Variants in ADAMTSL1 observed in about 807,000 individuals in gnomAD.
ADAMTSL1 encodes ADAMTS like 1.
In ADAMTSL1, 126 loss-of-function variants were observed where a neutral mutation model predicts 201.8. That is an observed-to-expected ratio of 0.62 (90% CI 0.54 to 0.72). ADAMTSL1 has a LOEUF of 0.72. Among genes scored for constraint, ADAMTSL1 ranks in the 30% least tolerant of loss-of-function variants. The pLI is 0.00. For missense variants in ADAMTSL1, 2,679 were observed against 2,277.8 expected (o/e 1.18, Z -3.59); for synonymous variants, 1,121 against 903.4 (o/e 1.24, Z -4.32).
At chr9:18,402,141 G>A (rs7031691) in intron 2 of ADAMTSL1, among the ~76,000 whole-genome samples, 8,819 of 152,048 alleles carry the variant, frequency 0.058, 840 homozygotes, top group African/African-American at 0.2. Flanking sequence ...CATCCAGAAG[G>A]CTCATTTGTC....
intron 26 of ADAMTSL1, chr9:18,905,517 G>A (rs1373686837): frequency 4.3e-6 from 2 of 469,836 alleles, no homozygotes; most frequent in African/African-American, 3.9e-5. Flanking sequence ...TAATCTGAGA[G>A]GAGCTTGACG....
chr9:18,838,039 C>G (rs934022685), intron 23 of ADAMTSL1, among the ~76,000 whole-genome samples: 1 of 151,950 alleles, frequency 6.6e-6, no homozygotes, highest in Non-Finnish European at 1.5e-5. Flanking sequence ...TGTTTTCTTC[C>G]CGAGACTGGG....
rs181595131 is a variant in ADAMTSL1, at chr9:18,164,444, G to C, written c.207+463G>C. 1.7e-4 allele frequency among the ~76,000 whole-genome samples: 26 copies of C among 151,888 alleles called. No homozygotes were observed. The East Asian group carries it at 2.9e-3, about 17-fold the overall frequency. On this transcript the variant is annotated intron_variant, in intron 2 of 29. Transcript: ENST00000680146. Reference sequence around the variant, plus strand: ...TTGTTTTATGAAAGTTTGTTTCTCTGGTGGTGGTTTTAGGGGAAAACACTC... The same window carrying C: ...TTGTTTTATGAAAGTTTGTTTCTCTCGTGGTGGTTTTAGGGGAAAACACTC...
intron 2 of ADAMTSL1, among the ~76,000 whole-genome samples, chr9:18,367,634 A>G (rs978149439): frequency 6.6e-6 from 1 of 152,062 alleles, no homozygotes. Context: ...AGCACTTTAC[A>G]TATTCTAATT....
At chr9:18,323,011 G>T (rs1834688251) in intron 2 of ADAMTSL1, among the ~76,000 whole-genome samples, 1 of 152,026 alleles carries the variant, frequency 6.6e-6, no homozygotes, top group African/African-American at 2.4e-5. Context: ...AGAAAACAGA[G>T]GAGAGAATAC....
At chr9:18,142,396 C>T (rs1564023650) in intron 1 of ADAMTSL1, among the ~76,000 whole-genome samples, 2 of 152,168 alleles carry the variant, frequency 1.3e-5, no homozygotes, top group Non-Finnish European at 2.9e-5. Context: ...AAATTAAGAC[C>T]GGCTCTTCTT....
intron 1 of ADAMTSL1, among the ~76,000 whole-genome samples, chr9:18,479,047 C>G (rs1821598515): frequency 6.6e-6 from 1 of 152,166 alleles, no homozygotes; most frequent in African/African-American, 2.4e-5. Context: ...TTGAAATAGG[C>G]CAGCACAGCT....
At chr9:18,328,979 C>G (rs979186008) in intron 2 of ADAMTSL1, among the ~76,000 whole-genome samples, 2 of 152,040 alleles carry the variant, frequency 1.3e-5, no homozygotes, top group East Asian at 3.9e-4. Flanking sequence ...AAAAAACAAC[C>G]CCCCACCCTT....
intron 7 of ADAMTSL1, among the ~76,000 whole-genome samples, chr9:18,639,770 A>G (rs1004037892): frequency 6.6e-6 from 1 of 152,102 alleles, no homozygotes; most frequent in African/African-American, 2.4e-5. Flanking sequence ...AAAGAGAAAA[A>G]CAAACTAATT....
At chr9:18,361,577 C>T (rs750526110) in intron 2 of ADAMTSL1, among the ~76,000 whole-genome samples, 94 of 152,148 alleles carry the variant, frequency 6.2e-4, no homozygotes, top group Non-Finnish European at 1.0e-3. Context: ...ATATTTTCAG[C>T]ATCTAGAGTT....
chr9:18,054,813 G>C (rs745466691), intron 1 of ADAMTSL1, among the ~76,000 whole-genome samples: 1 of 152,172 alleles, frequency 6.6e-6, no homozygotes, highest in African/African-American at 2.4e-5. Context: ...GACAGGATGT[G>C]GATAAATTTA....
At chr9:18,531,321 A>G (rs1021823455) in intron 2 of ADAMTSL1, among the ~76,000 whole-genome samples, 3 of 152,206 alleles carry the variant, frequency 2.0e-5, no homozygotes, top group Non-Finnish European at 4.4e-5. Flanking sequence ...GATGAGCTGA[A>G]TAATCATCGG....
chr9:18,331,089 G>A lies in ADAMTSL1; in HGVS notation c.207+167108G>A, dbSNP rs949303731. Among the ~76,000 whole-genome samples, 4 of 152,264 alleles carry A rather than the reference G, an allele frequency of 2.6e-5. No individual in the cohort carries two copies. In the South Asian group the frequency reaches 8.3e-4, roughly 32 times the overall value. On this transcript the variant is annotated intron_variant, in intron 2 of 29. Coordinates refer to the ADAMTSL1 transcript ENST00000680146. Reference sequence around the variant, plus strand: ...CTCACAAACAGAGGAAGGAGAAAAAGTGGATCCAGGATAAAGTAAACAGTG... The same window carrying A: ...CTCACAAACAGAGGAAGGAGAAAAAATGGATCCAGGATAAAGTAAACAGTG...
intron 2 of ADAMTSL1, among the ~76,000 whole-genome samples, chr9:18,395,212 C>G (rs1268317406): frequency 6.6e-6 from 1 of 152,172 alleles, no homozygotes; most frequent in Non-Finnish European, 1.5e-5. Flanking sequence ...GATCTGTAAA[C>G]TGCCTTTCAA....
At chr9:18,149,983 T>C (rs896872765) in intron 1 of ADAMTSL1, among the ~76,000 whole-genome samples, 6 of 151,938 alleles carry the variant, frequency 3.9e-5, no homozygotes, top group African/African-American at 1.5e-4. Flanking sequence ...ATGGACAGAG[T>C]TTGTAGAAGC....
chr9:18,134,922 T>C (rs768317627), intron 1 of ADAMTSL1, among the ~76,000 whole-genome samples: 33 of 152,280 alleles, frequency 2.2e-4, no homozygotes, highest in Admixed American at 4.6e-4. Flanking sequence ...CTTCAATAAC[T>C]GTAAGGGAGT....
intron 14 of ADAMTSL1, among the ~76,000 whole-genome samples, chr9:18,717,460 C>T (rs1031035369): frequency 6.6e-6 from 1 of 151,908 alleles, no homozygotes; most frequent in Admixed American, 6.6e-5. Flanking sequence ...AATTAGAGCA[C>T]TTATTTTCTA....
At chr9:18,469,807 C>T (rs1015340487), upstream of ADAMTSL1, among the ~76,000 whole-genome samples, 2 of 152,204 alleles carry the variant, frequency 1.3e-5, no homozygotes, top group African/African-American at 4.8e-5. Flanking sequence ...CTTCCTCCTT[C>T]CGAATTTTTG....
chr9:17,933,502 T>C (rs1826883773), intron 1 of ADAMTSL1, among the ~76,000 whole-genome samples: 1 of 152,190 alleles, frequency 6.6e-6, no homozygotes, highest in Non-Finnish European at 1.5e-5. Flanking sequence ...GGTCAGTCAT[T>C]GGATCTTCAT....
Sources: allele counts gnomAD v4.1 joint callset (sites outside exome capture counted in the v4.1 genomes callset), GRCh38; gene constraint gnomAD v4.1.1; transcripts MANE v1.5; gene names NCBI Gene and HGNC (gene_info 2026-07-23, HGNC 2026-07-21).